SLC29A4: variants seen among roughly 807,000 people sequenced by gnomAD.
The protein encoded by SLC29A4 is equilibrative nucleoside transporter 4.
Under a neutral mutation model 43.9 loss-of-function variants are expected in SLC29A4, and 36 were observed. That is an observed-to-expected ratio of 0.82 (90% CI 0.63 to 1.08). SLC29A4 has a LOEUF of 1.08. Among genes scored for constraint, SLC29A4 ranks in the 50% least tolerant of loss-of-function variants. SLC29A4 has a pLI of 0.00. For synonymous variants in SLC29A4, 491 were observed against 338.0 expected (o/e 1.45, Z -4.97); for missense variants, 869 against 755.3 (o/e 1.15, Z -1.77).
intron 5 of SLC29A4, among the ~76,000 whole-genome samples, chr7:5,294,320 G>A (rs1443454976): frequency 6.6e-6 from 1 of 152,198 alleles, no homozygotes; most frequent in Admixed American, 6.5e-5. Context: ...CCAAGGTAGG[G>A]GCCTGTGCAC....
chr7:5,293,424 C>G (rs549918388), intron 5 of SLC29A4, among the ~76,000 whole-genome samples: 1 of 152,102 alleles, frequency 6.6e-6, no homozygotes. Context: ...CCTGCCTCAG[C>G]CTCCCAAAGT....
Position 5,297,115 on chromosome 7 carries a change from G to C in SLC29A4, c.799G>C (p.Asp267His). The change falls in exon 7 of 11, where the codon GAC becomes CAC. Residue 267 changes from aspartate to histidine, a missense_variant. Physicochemically the swap from Asp to His is moderately conservative, Grantham distance 81 (BLOSUM62 -1). Transcript: ENST00000396872. ...GCTCTTCTATACCACACGGCCGCGT[G>C]ACAGCCACCGGGGCAGGCCAGGCCT... ...FVLFYTTRPRDSHRGRPGLGR... is the reference protein window; with the variant it reads ...FVLFYTTRPRHSHRGRPGLGR... 1 of 1,607,050 alleles carries C rather than the reference G, an allele frequency of 6.2e-7. No homozygotes were observed. Among genetic ancestry groups the C allele is most frequent in the Non-Finnish European group, 8.5e-7 (1 of 1,179,668 alleles).
intron 1 of SLC29A4, among the ~76,000 whole-genome samples, chr7:5,286,604 A>C (rs533580618): frequency 1.3e-5 from 2 of 152,198 alleles, no homozygotes; most frequent in African/African-American, 4.8e-5. Flanking sequence ...CTGCCCACAC[A>C]GTGCAAGCGT....
Position 5,303,145 on chromosome 7 carries a change from C to A in SLC29A4, c.*206C>A. On this transcript the variant is annotated 3_prime_UTR_variant, in exon 11 of 11. Transcript: ENST00000396872. ...CGAGGACCGGAACACGTTTCTGCGA[C>A]CCGGGGCTCTGGCCAGCACTGTGTT... 1 of 634,082 alleles carries A rather than the reference C, an allele frequency of 1.6e-6. No homozygotes were observed. Among genetic ancestry groups the A allele is most frequent in the Non-Finnish European group, 2.7e-6 (1 of 369,380 alleles). The allele number at this position is 634,082 out of a possible 1,614,324, so 39.3% of individuals were successfully genotyped here. A position where few individuals can be genotyped will look rare whatever the true frequency, so the allele number is the denominator to read the frequency against.
In SLC29A4 at chr7:5,287,876, G is replaced by C. The variant is rs375388445; in HGVS notation, c.60G>C (p.Pro20=). 131 of 1,611,976 alleles carry C rather than the reference G, an allele frequency of 8.1e-5. No homozygotes were observed. The South Asian group carries it at 1.3e-3, about 16-fold the overall frequency. The part of the protein sequence containing the change: ...EEPSVAGTPD[P]GVVMSFTFDS... ...CCAGCGTGGCAGGCACACCAGACCC[G>C]GGCGTAGTGATGAGCTTCACCTTCG... The change falls in exon 2 of 11, where the codon CCG becomes CCC. Residue 20 remains proline, a synonymous_variant. Coordinates refer to ENST00000396872, the MANE Select transcript of SLC29A4 (RefSeq NM_153247.4).
At position 5,290,779 on chromosome 7, in the gene SLC29A4, G is replaced by C; in HGVS notation, c.217G>C (p.Ala73Pro). 6.2e-7 allele frequency: 1 copy of C among 1,614,036 alleles called. No homozygotes were observed. Among genetic ancestry groups the C allele is most frequent in the East Asian group, 2.2e-5 (1 of 44,880 alleles). Reference sequence around the variant, plus strand: ...TGACCGTTATCACGCCATCTACTTTGCGATGCTGCTGGCTGGCGTGGGCTT... The same window carrying C: ...TGACCGTTATCACGCCATCTACTTTCCGATGCTGCTGGCTGGCGTGGGCTT... ...PDDRYHAIYF[A>P]MLLAGVGFLL... The change falls in exon 3 of 11, where the codon GCG becomes CCG. Residue 73 changes from alanine (A) to proline (P), a missense_variant. Ala to Pro is a conservative substitution (Grantham distance 27, BLOSUM62 -1). Coordinates refer to ENST00000396872, the MANE Select transcript of SLC29A4 (RefSeq NM_153247.4).
intron 5 of SLC29A4, among the ~76,000 whole-genome samples, chr7:5,292,498 C>G (rs1785368287): frequency 6.6e-6 from 1 of 151,874 alleles, no homozygotes; most frequent in Non-Finnish European, 1.5e-5. Context: ...CAGTGAAGTC[C>G]CATACGAGCA....
At position 5,303,086 on chromosome 7, in the gene SLC29A4, G is replaced by A; in HGVS notation, c.*147G>A. The A allele has an allele frequency of 2.1e-6, 2 of 957,792 alleles. No homozygotes were observed. The highest frequency in any genetic ancestry group is 3.3e-4 in the Middle Eastern group (1 of 3,026). The allele number at this position is 957,792 out of a possible 1,614,324, so 59.3% of individuals were successfully genotyped here. ...CCCCACTCCCTCAGGGTCCAGCCAT[G>A]CCCCACCCTGGACTGAAGTTCTGCA... On this transcript the variant is annotated 3_prime_UTR_variant, in exon 11 of 11. Transcript: ENST00000396872.
rs536381050 is a variant in SLC29A4 at position 5,288,862 on chromosome 7, G to C, written c.169+877G>C. 1.3e-5 allele frequency among the ~76,000 whole-genome samples: 2 copies of C among 152,132 alleles called. 1 individual carries two copies. The highest frequency in any genetic ancestry group is 4.8e-5 in the African/African-American group (2 of 41,396). On this transcript the variant is annotated intron_variant, in intron 2 of 10. Transcript: ENST00000396872. ...TGGACAGCCCACAGGCTTGGAGTCTGACAGGCTCGGGTTCAAGCCTACCTC... is the reference window on the plus strand; with the variant it reads ...TGGACAGCCCACAGGCTTGGAGTCTCACAGGCTCGGGTTCAAGCCTACCTC...
intron 5 of SLC29A4, among the ~76,000 whole-genome samples, chr7:5,294,504 C>T (rs1785517138): frequency 6.6e-6 from 1 of 152,170 alleles, no homozygotes; most frequent in Non-Finnish European, 1.5e-5. Context: ...TCCATACGGT[C>T]TCTCAGGGCC....
chr7:5,300,039 G>T (rs1419454516), intron 9 of SLC29A4, among the ~76,000 whole-genome samples: 1 of 152,058 alleles, frequency 6.6e-6, no homozygotes, highest in Non-Finnish European at 1.5e-5. Flanking sequence ...GTGACAGCAC[G>T]AGACTCTGTC....
chr7:5,286,138 C>G (rs1397212286), intron 1 of SLC29A4, among the ~76,000 whole-genome samples: 1 of 152,192 alleles, frequency 6.6e-6, no homozygotes, highest in Non-Finnish European at 1.5e-5. Flanking sequence ...ACATTCAGCA[C>G]TCAGTGCTGT....
rs141072158 is a variant in SLC29A4 at position 5,300,535 on chromosome 7, C to T, written c.1323C>T (p.Pro441=). Reference sequence around the variant, plus strand: ...TGTGCGTCTACCCCAGCGGCATGCCCGCCCTCCGTCACCCCGCCTGGCCCT... The same window carrying T: ...TGTGCGTCTACCCCAGCGGCATGCCTGCCCTCCGTCACCCCGCCTGGCCCT... ...FILCVYPSGM[P]ALRHPAWPCI... Residue 441 remains proline, a synonymous_variant, in exon 10 of 11, where the codon CCC becomes CCT. Coordinates refer to ENST00000396872, the MANE Select transcript of SLC29A4 (RefSeq NM_153247.4). 1.8e-5 allele frequency: 29 copies of T among 1,612,172 alleles called. No individual in the cohort carries two copies. Among genetic ancestry groups the T allele is most frequent in the African/African-American group, 1.2e-4 (9 of 74,890 alleles).
rs1185912286 is a variant in SLC29A4, at chr7:5,306,860, A to AAAT, written c.*3922_*3924dup. 7.1e-6 allele frequency: 1 copy of AAAT among 140,490 alleles called. No individual in the cohort carries two copies. The highest frequency in any genetic ancestry group is 1.5e-5 in the Non-Finnish European group (1 of 66,232). The allele number at this position is 140,490 out of a possible 1,614,324, so 8.7% of individuals were successfully genotyped here. A position where few individuals can be genotyped will look rare whatever the true frequency, so the allele number is the denominator to read the frequency against. On this transcript the variant is annotated 3_prime_UTR_variant, in exon 11 of 11. Coordinates refer to ENST00000396872, the MANE Select transcript of SLC29A4 (RefSeq NM_153247.4). ...ATCACACAGAATTTGCCAACAAACA[A>AAAT]AATTCCAAAAGAAACATAAAAAAAA...
At position 5,291,590 on chromosome 7, in the gene SLC29A4, A is replaced by G. The variant is rs377217417; in HGVS notation, c.416-103A>G. On this transcript the variant is annotated intron_variant, in intron 4 of 10. Transcript: ENST00000396872. ...CATCCCTGGCCCTCCTTAAAGGGGA[A>G]GGGCAGAGAAAGCCTCAGAGCGACT... 211 of 1,438,382 alleles carry G rather than the reference A, an allele frequency of 1.5e-4. 2 individuals carry two copies. The East Asian group carries it at 3.9e-3, about 27-fold the overall frequency. The allele number at this position is 1,438,382 out of a possible 1,614,324, so 89.1% of individuals were successfully genotyped here.
chr7:5,292,857 C>A (rs1181920628), intron 5 of SLC29A4, among the ~76,000 whole-genome samples: 9 of 151,606 alleles, frequency 5.9e-5, no homozygotes, highest in African/African-American at 2.2e-4. Context: ...CGCCACCATG[C>A]CAGGCTAATT....
intron 1 of SLC29A4, among the ~76,000 whole-genome samples, chr7:5,286,010 A>G (rs1460329784): frequency 4.6e-5 from 7 of 151,922 alleles, no homozygotes; most frequent in African/African-American, 1.7e-4. Flanking sequence ...ACTCTGTCTC[A>G]GAAAAAAAAA....
chr7:5,283,372 T>C (rs1784767961), intron 1 of SLC29A4, among the ~76,000 whole-genome samples: 1 of 151,030 alleles, frequency 6.6e-6, no homozygotes, highest in African/African-American at 2.4e-5. Context: ...ACGAAGTTCC[T>C]CCCCGGACCC....
intron 1 of SLC29A4, among the ~76,000 whole-genome samples, chr7:5,286,656 G>T (rs1402922420): frequency 2.0e-5 from 3 of 152,128 alleles, no homozygotes; most frequent in Non-Finnish European, 4.4e-5. Context: ...CCTCCCGAAG[G>T]TCAGGGCTGG....
Sources: allele counts gnomAD v4.1 joint callset (sites outside exome capture counted in the v4.1 genomes callset), GRCh38; gene constraint gnomAD v4.1.1; transcripts MANE v1.5; gene names NCBI Gene and HGNC (gene_info 2026-07-23, HGNC 2026-07-21).